The following SNX30 variants were observed in gnomAD, a reference collection of about 807,000 sequenced individuals.
SNX30 encodes the protein sorting nexin-30.
In SNX30, 24 loss-of-function variants were observed where a neutral mutation model predicts 46.4. The ratio of observed to expected loss-of-function variants is 0.52; its 90% CI spans 0.37 to 0.73. The LOEUF is 0.73. SNX30 is among the 30% of genes least tolerant of loss of function. The pLI is 0.00. For synonymous variants in SNX30, 189 were observed against 211.5 expected (o/e 0.89, Z 0.92); for missense variants, 533 against 555.7 (o/e 0.96, Z 0.41).
intron 7 of SNX30, among the ~76,000 whole-genome samples, chr9:112,859,053 A>T (rs112808442): frequency 1.3e-5 from 2 of 152,330 alleles, no homozygotes; most frequent in Middle Eastern, 6.8e-3. Context: ...TTCATCTTGC[A>T]GAACTGAAAC....
intron 1 of SNX30, among the ~76,000 whole-genome samples, chr9:112,784,946 G>A (rs989772206): frequency 6.6e-6 from 1 of 152,112 alleles, no homozygotes; most frequent in African/African-American, 2.4e-5. Context: ...GCAGTCCATG[G>A]GAACTTGATA....
intron 8 of SNX30, among the ~76,000 whole-genome samples, chr9:112,865,655 A>G (rs371366110): frequency 0.23 from 20,671 of 89,352 alleles, 3,126 homozygotes; most frequent in Non-Finnish European, 0.28. Flanking sequence ...ATATATATAT[A>G]TATATATGTA....
rs185532527 is a variant in SNX30 at position 112,853,337 on chromosome 9, C to T, written c.1101+2392C>T. Among the ~76,000 whole-genome samples, 41 of 152,310 alleles carry T rather than the reference C, an allele frequency of 2.7e-4. 1 individual carries two copies. In the East Asian group the frequency reaches 7.9e-3, roughly 29 times the overall value. ...GTGTCTGTCACAAGGGAGGCGACAA[C>T]AGAAATGCAGAGCCATGTGCACACA... On this transcript the variant is annotated intron_variant, in intron 7 of 8. Coordinates refer to ENST00000374232, the MANE Select transcript of SNX30 (RefSeq NM_001012994.2).
chr9:112,832,680 G>T (rs1840685276), intron 4 of SNX30, among the ~76,000 whole-genome samples: 3 of 149,846 alleles, frequency 2.0e-5, no homozygotes, highest in Non-Finnish European at 3.0e-5. Context: ...AATGCTAAAT[G>T]ACGAGTTAAT....
intron 7 of SNX30, among the ~76,000 whole-genome samples, chr9:112,855,654 C>G (rs192304520): frequency 6.6e-6 from 1 of 152,040 alleles, no homozygotes; most frequent in African/African-American, 2.4e-5. Context: ...GCCTCTGGAG[C>G]TGGGGAAGAA....
chr9:112,763,346 C>A (rs969895222), intron 1 of SNX30, among the ~76,000 whole-genome samples: 3 of 137,370 alleles, frequency 2.2e-5, no homozygotes, highest in African/African-American at 8.4e-5. Context: ...GTATGGTGTG[C>A]CTTGCTATTT....
rs140817716 is a variant in SNX30 at position 112,845,943 on chromosome 9, G to A, written c.1015-4916G>A. Among the ~76,000 whole-genome samples, 340 of 152,158 alleles carry A rather than the reference G, an allele frequency of 2.2e-3. 3 individuals carry two copies. Among genetic ancestry groups the A allele is most frequent in the African/African-American group, 7.4e-3 (308 of 41,490 alleles). ...ACCTATTGAATGAAACACTGATGGG[G>A]AAGAAAATTTCCAGAAAAAAATGTT... On this transcript the variant is annotated intron_variant, in intron 6 of 8. Coordinates refer to ENST00000374232, the MANE Select transcript of SNX30 (RefSeq NM_001012994.2).
At chr9:112,789,653 T>C (rs1004301327) in intron 1 of SNX30, among the ~76,000 whole-genome samples, 12 of 152,182 alleles carry the variant, frequency 7.9e-5, no homozygotes, top group African/African-American at 2.9e-4. Context: ...AAATCTTGGC[T>C]CCTAAGAATC....
At chr9:112,750,011 A>C (rs1390758752), upstream of SNX30, among the ~76,000 whole-genome samples, 3 of 152,244 alleles carry the variant, frequency 2.0e-5, no homozygotes, top group African/African-American at 7.2e-5. Context: ...CAGCAAATAA[A>C]GCTGAGAATC....
chr9:112,822,119 G>A (rs1840507960), intron 3 of SNX30, among the ~76,000 whole-genome samples: 1 of 151,668 alleles, frequency 6.6e-6, no homozygotes, highest in African/African-American at 2.4e-5. Flanking sequence ...TTGCTATGTT[G>A]CCCAGGCTGG....
chr9:112,778,630 T>C (rs1839789604), intron 1 of SNX30, among the ~76,000 whole-genome samples: 1 of 152,162 alleles, frequency 6.6e-6, no homozygotes, highest in South Asian at 2.1e-4. Context: ...CCAGGATGGG[T>C]TGATAGACAT....
intron 1 of SNX30, among the ~76,000 whole-genome samples, chr9:112,775,444 G>A (rs182055572): frequency 8.3e-4 from 126 of 151,850 alleles, no homozygotes; most frequent in African/African-American, 2.8e-3. Context: ...CACTGTGCCC[G>A]GCCTAAATTT....
intron 1 of SNX30, among the ~76,000 whole-genome samples, chr9:112,768,651 T>TTC (rs1554748351): frequency 2.1e-5 from 2 of 94,682 alleles, no homozygotes; most frequent in South Asian, 3.6e-4. Flanking sequence ...TTTCTTCTTT[T>TTC]TTTTTTTTTT....
chr9:112,807,353 G>A (rs772943899), intron 2 of SNX30, among the ~76,000 whole-genome samples: 16 of 152,026 alleles, frequency 1.1e-4, no homozygotes, highest in Non-Finnish European at 1.8e-4. Flanking sequence ...AGCGTGAGCC[G>A]CTGTGTCCGG....
intron 7 of SNX30, among the ~76,000 whole-genome samples, chr9:112,861,449 A>G (rs1841229757): frequency 6.6e-6 from 1 of 152,210 alleles, no homozygotes; most frequent in African/African-American, 2.4e-5. Flanking sequence ...CAGACAGAGA[A>G]GCTGAGGCCA....
chr9:112,870,522 G>C lies in SNX30; in HGVS notation c.*1679G>C, dbSNP rs902555254. 1 of 152,170 alleles carries C rather than the reference G, an allele frequency of 6.6e-6. No homozygotes were observed. Among genetic ancestry groups the C allele is most frequent in the Non-Finnish European group, 1.5e-5 (1 of 68,030 alleles). 9.4% of individuals were successfully genotyped at this position (152,170 alleles called of 1,614,324 possible). ...TTAAATGATAATGTTTAAATCAATT[G>C]GTACTTGCCTGTAGTGTTAAACCCT... On this transcript the variant is annotated 3_prime_UTR_variant, in exon 9 of 9. Coordinates refer to ENST00000374232, the MANE Select transcript of SNX30 (RefSeq NM_001012994.2).
chr9:112,775,892 T>A (rs1480912667), intron 1 of SNX30, among the ~76,000 whole-genome samples: 1 of 151,788 alleles, frequency 6.6e-6, no homozygotes, highest in Non-Finnish European at 1.5e-5. Context: ...ATAGAGATCT[T>A]CCTCCCCACT....
intron 1 of SNX30, among the ~76,000 whole-genome samples, chr9:112,756,740 C>T (rs1459794186): frequency 2.6e-5 from 4 of 152,294 alleles, no homozygotes; most frequent in Non-Finnish European, 2.9e-5. Context: ...GGATCACAGG[C>T]GTGAGCCACT....
At chr9:112,766,763 T>C (rs1839543872) in intron 1 of SNX30, among the ~76,000 whole-genome samples, 1 of 152,236 alleles carries the variant, frequency 6.6e-6, no homozygotes, top group Non-Finnish European at 1.5e-5. Context: ...TCCTTAAGGC[T>C]CATCCATGCT....
Sources: allele counts gnomAD v4.1 joint callset (sites outside exome capture counted in the v4.1 genomes callset), GRCh38; gene constraint gnomAD v4.1.1; transcripts MANE v1.5; gene names NCBI Gene and HGNC (gene_info 2026-07-23, HGNC 2026-07-21).